Variants in SLCO3A1 observed in about 807,000 individuals in gnomAD.
The protein encoded by SLCO3A1 is PGE1 transporter.
SLCO3A1 carries 27 observed loss-of-function variants against 63.1 expected under a neutral mutation model. The observed-to-expected ratio is 0.43, with a 90% CI of 0.32 to 0.59. The LOEUF (loss-of-function observed/expected upper bound fraction) is 0.59, where lower values mean the gene tolerates loss of function less well. SLCO3A1 is among the 20% of genes least tolerant of loss of function. The probability of loss-of-function intolerance (pLI) is 0.09; values close to 1 mark genes in which losing one functional copy is unlikely to be tolerated. For missense variants in SLCO3A1, 773 were observed against 945.8 expected, an observed-to-expected ratio of 0.82 and a Z score of 2.40; for synonymous variants, 473 against 409.9, an observed-to-expected ratio of 1.15 and a Z score of -1.86.
intron 9 of SLCO3A1, among the ~76,000 whole-genome samples, chr15:92,161,033 A>G (rs2048430495): frequency 6.6e-6 from 1 of 152,156 alleles, no homozygotes; most frequent in African/African-American, 2.4e-5. Context: ...TCCTTAATAC[A>G]AAATGAAATT....
intron 3 of SLCO3A1, among the ~76,000 whole-genome samples, chr15:92,096,851 A>G (rs2047544781): frequency 1.3e-5 from 2 of 151,962 alleles, no homozygotes; most frequent in African/African-American, 4.8e-5. Flanking sequence ...GTCTGTTCCG[A>G]AGGTGATTGA....
chr15:91,952,529 T>C (rs1039187178), intron 2 of SLCO3A1, among the ~76,000 whole-genome samples: 1 of 152,164 alleles, frequency 6.6e-6, no homozygotes, highest in Non-Finnish European at 1.5e-5. Flanking sequence ...TGTGGTAAGA[T>C]AGACAGAAAT....
At position 91,959,910 on chromosome 15, in the gene SLCO3A1, C is replaced by A. The variant is rs180724637; in HGVS notation, c.646+43452C>A. On this transcript the variant is annotated intron_variant, in intron 2 of 9. Transcript: ENST00000318445. ...CCTCCCTAGCAGGTGCTGCCAAACA[C>A]TAATTTACTTTCTGTGTCTATTTGA... is the stretch of plus-strand genomic sequence containing the variant. Among the ~76,000 whole-genome samples, 36 of 152,192 alleles carry A rather than the reference C, an allele frequency of 2.4e-4. 1 individual carries two copies. Among genetic ancestry groups the A allele is most frequent in the Admixed American group, 1.6e-3 (25 of 15,284 alleles).
rs185535964 is a variant in SLCO3A1, at chr15:92,132,860, A to G, written c.1512+4371A>G. Among the ~76,000 whole-genome samples the G allele has an allele frequency of 8.2e-5, 12 of 145,690 alleles. No individual in the cohort carries two copies. In the East Asian group the frequency reaches 2.3e-3, roughly 28 times the overall value. On this transcript the variant is annotated intron_variant, in intron 7 of 9. Coordinates refer to ENST00000318445, the MANE Select transcript of SLCO3A1 (RefSeq NM_013272.4). ...GGTTCAGTGTGACGGGTCTCAATAC[A>G]GGCCGCACCTTAGGATCACGTGGGA...
intron 2 of SLCO3A1, among the ~76,000 whole-genome samples, chr15:91,934,600 T>C (rs1423344311): frequency 2.0e-5 from 3 of 152,258 alleles, no homozygotes; most frequent in African/African-American, 7.2e-5. Context: ...GAGTCAACTC[T>C]TGTTTGAAGA....
intron 5 of SLCO3A1, among the ~76,000 whole-genome samples, chr15:92,123,342 G>A (rs1262547993): frequency 2.0e-5 from 3 of 152,154 alleles, no homozygotes; most frequent in Non-Finnish European, 4.4e-5. Flanking sequence ...GGGAGGTGGA[G>A]GTTGCAGTGA....
In SLCO3A1 at chr15:92,044,590, G is replaced by A. The variant is rs146513555; in HGVS notation, c.647-50291G>A. On this transcript the variant is annotated intron_variant, in intron 2 of 9. Coordinates refer to ENST00000318445, the MANE Select transcript of SLCO3A1 (RefSeq NM_013272.4). ...AGCTCCTTCCTCCAGATCCCATCAC[G>A]GTCAGGGCCCCTCACCTTCCTCCTC... Among the ~76,000 whole-genome samples, 409 of 152,138 alleles carry A rather than the reference G, an allele frequency of 2.7e-3. 6 individuals carry two copies. Among genetic ancestry groups the A allele is most frequent in the African/African-American group, 9.2e-3 (382 of 41,500 alleles).
chr15:91,916,313 C>T lies in SLCO3A1; in HGVS notation c.501C>T (p.Cys167=). Residue 167 remains cysteine (C), a synonymous_variant, in exon 2 of 10, where the codon TGC becomes TGT. Coordinates refer to ENST00000318445, the MANE Select transcript of SLCO3A1 (RefSeq NM_013272.4). This position sits in a 1 kb window ranked among gnomAD's most constrained non-coding sequence, Gnocchi z 6.2. ...AGGGGCCCGACCCCGACCTCATCTG[C>T]CGCAACCGGACGGCTACCAACATGA... ...GDEGPDPDLI[C]RNRTATNMMY... is the part of the protein sequence containing the mutation. 1.3e-6 allele frequency: 2 copies of T among 1,581,846 alleles called. No homozygotes were observed. The highest frequency in any genetic ancestry group is 1.1e-5 in the South Asian group (1 of 87,390).
chr15:91,957,588 C>CA, intron 2 of SLCO3A1, among the ~76,000 whole-genome samples: 1 of 152,248 alleles, frequency 6.6e-6, no homozygotes, highest in Non-Finnish European at 1.5e-5. Context: ...TTCCCTCTAC[C>CA]TGGTTCACTT....
At chr15:91,902,016 G>A (rs898654365) in intron 1 of SLCO3A1, among the ~76,000 whole-genome samples, 2 of 151,366 alleles carry the variant, frequency 1.3e-5, no homozygotes, top group African/African-American at 4.9e-5. Context: ...TTTCTTCTCT[G>A]TGGTTCAGAT....
At position 92,033,696 on chromosome 15, in the gene SLCO3A1, A is replaced by C. The variant is rs12594537; in HGVS notation, c.647-61185A>C. ...AGAGACAGTAAACAATATAACTAAG[A>C]AGAGTAGGTGGTGGCTCGCTGGTGG... On this transcript the variant is annotated intron_variant, in intron 2 of 9. Transcript: ENST00000318445. This position sits in a 1 kb window ranked among gnomAD's most constrained non-coding sequence, Gnocchi z 4.5. Among the ~76,000 whole-genome samples, 121,253 of 152,042 alleles carry C rather than the reference A, an allele frequency of 0.8. 48,601 individuals are homozygous for C. The highest frequency in any genetic ancestry group is 0.91 in the East Asian group (4,697 of 5,160).
intron 2 of SLCO3A1, among the ~76,000 whole-genome samples, chr15:92,089,065 G>A (rs758993287): frequency 6.6e-6 from 1 of 150,794 alleles, no homozygotes; most frequent in Non-Finnish European, 1.5e-5. Flanking sequence ...TGTCTCTGTC[G>A]CCCAGGCTGG....
intron 2 of SLCO3A1, among the ~76,000 whole-genome samples, chr15:92,073,904 C>T (rs1410282186): frequency 6.6e-6 from 1 of 152,246 alleles, no homozygotes. Flanking sequence ...CACCGTGGCT[C>T]ACGCCTGTAA....
chr15:92,157,650 A>G (rs922360632), intron 9 of SLCO3A1, among the ~76,000 whole-genome samples: 1 of 152,040 alleles, frequency 6.6e-6, no homozygotes, highest in African/African-American at 2.4e-5. Context: ...AGTGGGGGTT[A>G]TTATTCACTG....
intron 2 of SLCO3A1, among the ~76,000 whole-genome samples, chr15:92,040,629 T>G (rs1396360816): frequency 6.6e-6 from 1 of 152,168 alleles, no homozygotes; most frequent in African/African-American, 2.4e-5. Context: ...TGCTTGGTGC[T>G]CTGCCTGTGC....
In SLCO3A1 at chr15:91,970,470, C is replaced by T. The variant is rs541562750; in HGVS notation, c.646+54012C>T. ...TGGAGTCCTCTCCTTTCTCTGTAGT[C>T]AACACACGAGAGTCAACATGGAACT... On this transcript the variant is annotated intron_variant, in intron 2 of 9. Transcript: ENST00000318445. 2.0e-5 allele frequency among the ~76,000 whole-genome samples: 3 copies of T among 152,238 alleles called. No individual in the cohort carries two copies. The South Asian group carries it at 6.2e-4, about 32-fold the overall frequency.
chr15:92,087,991 G>A (rs1354390278), intron 2 of SLCO3A1, among the ~76,000 whole-genome samples: 3 of 152,154 alleles, frequency 2.0e-5, no homozygotes, highest in Non-Finnish European at 4.4e-5. Context: ...CTAGAAGGAG[G>A]TACATCGAGT....
chr15:92,047,534 A>AAT lies in SLCO3A1; in HGVS notation c.647-47339_647-47338dup, dbSNP rs1200993975. Reference sequence around the variant, plus strand: ...ATATAAATACATAAATAAATATATAAATATATATAATATATAAATATATAA... The same window carrying AAT: ...ATATAAATACATAAATAAATATATAAATATATATATAATATATAAATATATAA... On this transcript the variant is annotated intron_variant, in intron 2 of 9. Coordinates refer to ENST00000318445, the MANE Select transcript of SLCO3A1 (RefSeq NM_013272.4). Among the ~76,000 whole-genome samples the AAT allele has an allele frequency of 5.9e-4, 14 of 23,720 alleles. 4 individuals are homozygous for AAT. Among genetic ancestry groups the AAT allele is most frequent in the Non-Finnish European group, 9.1e-4 (14 of 15,416 alleles). 15.6% of individuals were successfully genotyped at this position (23,720 alleles called of 152,430 possible).
intron 2 of SLCO3A1, among the ~76,000 whole-genome samples, chr15:92,056,291 C>CAG (rs2047020548): frequency 6.6e-6 from 1 of 152,160 alleles, no homozygotes. Flanking sequence ...TAAGTGAATA[C>CAG]AATTCCTTGC....
Sources: gnomAD v4.1 joint callset for allele counts (sites outside exome capture counted in the v4.1 genomes callset) on GRCh38, gnomAD v4.1.1 for gene constraint, Gnocchi (gnomAD v3.1) non-coding constraint, MANE v1.5 for transcripts, NCBI Gene and HGNC (gene_info 2026-07-23, HGNC 2026-07-21) for gene names.